The following EML1 variants were observed in gnomAD, a reference collection of about 807,000 sequenced individuals.
The protein encoded by EML1 is EMAP like 1, also known as echinoderm microtubule-associated protein-like 1.
EML1 carries 27 observed loss-of-function variants against 110.4 expected under a neutral mutation model. The observed-to-expected ratio is 0.24, with a 90% CI of 0.18 to 0.34. The LOEUF (loss-of-function observed/expected upper bound fraction) is 0.34, where lower values mean the gene tolerates loss of function less well. Among genes scored for constraint, EML1 ranks in the 10% least tolerant of loss-of-function variants. EML1 has a pLI of 1.00. For missense variants in EML1, 741 were observed against 1,030.9 expected (o/e 0.72, Z 3.85); for synonymous variants, 344 against 385.8 (o/e 0.89, Z 1.27).
intron 1 of EML1, among the ~76,000 whole-genome samples, chr14:99,797,585 GTAAT>G (rs1174859256): frequency 6.6e-6 from 1 of 152,190 alleles, no homozygotes; most frequent in East Asian, 1.9e-4. Flanking sequence ...AAAAGAATAA[GTAAT>G]TAAGGAAATG....
At chr14:99,887,375 G>A (rs768460668) in intron 4 of EML1, among the ~76,000 whole-genome samples, 1 of 152,136 alleles carries the variant, frequency 6.6e-6, no homozygotes, top group Non-Finnish European at 1.5e-5. Flanking sequence ...TGTTCACCGG[G>A]GGGGCAAATC....
At chr14:99,780,940 G>A (rs1271937857) in intron 1 of EML1, among the ~76,000 whole-genome samples, 2 of 152,214 alleles carry the variant, frequency 1.3e-5, no homozygotes, top group East Asian at 1.9e-4. Context: ...TTCTTAGAAC[G>A]TATCCCATCG....
intron 17 of EML1, among the ~76,000 whole-genome samples, chr14:99,927,635 G>A (rs1418441619): frequency 6.6e-6 from 1 of 151,614 alleles, no homozygotes; most frequent in Non-Finnish European, 1.5e-5. Flanking sequence ...CTACAATTTT[G>A]GTACCCAGTG....
chr14:99,883,259 G>C (rs1162241926), intron 4 of EML1: 1 of 152,136 alleles, frequency 6.6e-6, no homozygotes, highest in Non-Finnish European at 1.5e-5. Flanking sequence ...GGCCGGGCGT[G>C]GTGGCCCACT....
intron 1 of EML1, among the ~76,000 whole-genome samples, chr14:99,840,491 C>T (rs1378943206): frequency 3.3e-5 from 5 of 152,132 alleles, no homozygotes; most frequent in African/African-American, 4.8e-5. Context: ...TGTGGGAGGG[C>T]GCTGTGTGGC....
chr14:99,809,288 A>T (rs1458144147), intron 1 of EML1, among the ~76,000 whole-genome samples: 1 of 152,022 alleles, frequency 6.6e-6, no homozygotes, highest in African/African-American at 2.4e-5. Context: ...TCAAACTTTG[A>T]CCTTGTTCTT....
At chr14:99,929,661 A>G (rs960993690) in intron 17 of EML1, among the ~76,000 whole-genome samples, 1 of 152,230 alleles carries the variant, frequency 6.6e-6, no homozygotes, top group African/African-American at 2.4e-5. Flanking sequence ...ACTGTTGTGG[A>G]TTACTATCTC....
At chr14:99,867,602 C>A (rs1369199785) in intron 3 of EML1, among the ~76,000 whole-genome samples, 2 of 152,024 alleles carry the variant, frequency 1.3e-5, no homozygotes, top group Non-Finnish European at 2.9e-5. Context: ...GAATTAATTT[C>A]TTAACTTCCT....
At chr14:99,862,556 A>G (rs192256491) in intron 2 of EML1, among the ~76,000 whole-genome samples, 1 of 152,218 alleles carries the variant, frequency 6.6e-6, no homozygotes, top group African/African-American at 2.4e-5. Flanking sequence ...ATACTGTAGC[A>G]TAAACTTACA....
At chr14:99,754,503 G>C (rs1242044591) in intron 1 of EML1, among the ~76,000 whole-genome samples, 1 of 152,236 alleles carries the variant, frequency 6.6e-6, no homozygotes, top group Non-Finnish European at 1.5e-5. Flanking sequence ...GTAGGTTACA[G>C]ACGGACCTCC....
intron 3 of EML1, among the ~76,000 whole-genome samples, chr14:99,867,347 T>C (rs2059119740): frequency 6.6e-6 from 1 of 152,204 alleles, no homozygotes; most frequent in Non-Finnish European, 1.5e-5. Flanking sequence ...AGGATAGTTT[T>C]TTTCTATTTC....
Position 99,793,503 on chromosome 14 carries a change from C to A in EML1, c.27C>A (p.Ser9Arg). 9.5e-7 allele frequency: 1 copy of A among 1,053,616 alleles called. No homozygotes were observed. The highest frequency in any genetic ancestry group is 1.1e-6 in the Non-Finnish European group (1 of 869,580). The allele number at this position is 1,053,616 out of a possible 1,614,324, so 65.3% of individuals were successfully genotyped here. A position where few individuals can be genotyped will look rare whatever the true frequency, so the allele number is the denominator to read the frequency against. The change falls in exon 1 of 22, where the codon AGC becomes AGA. Residue 9 changes from serine to arginine, a missense_variant. This residue lies in a region of EML1 where 226 missense variants were observed against 255.6 expected (regional missense o/e 0.88). Transcript: ENST00000262233. ...TGGAGGACGGCTTCTCCAGCTACAG[C>A]AGCCTGTACGACACGTCCTCGCTGC... MEDGFSSY[S>R]SLYDTSSLLQ...
intron 1 of EML1, among the ~76,000 whole-genome samples, chr14:99,824,011 C>T (rs1039947004): frequency 2.6e-5 from 4 of 152,192 alleles, no homozygotes; most frequent in African/African-American, 9.6e-5. Flanking sequence ...GAATGGAGTG[C>T]CGTGGCGCGA....
chr14:99,746,984 G>T (rs1188440429), intron 1 of EML1, among the ~76,000 whole-genome samples: 1 of 152,046 alleles, frequency 6.6e-6, no homozygotes, highest in Non-Finnish European at 1.5e-5. Context: ...TCTATCGGGC[G>T]CTGTGCCCCA....
chr14:99,901,145 A>G (rs1357920755), intron 9 of EML1, 106 bp downstream of exon 9: 4 of 950,274 alleles, frequency 4.2e-6, no homozygotes, highest in Non-Finnish European at 6.7e-6. Context: ...GCCTGGGTGT[A>G]TGTACAGATT....
intron 15 of EML1, among the ~76,000 whole-genome samples, chr14:99,916,407 C>T (rs2060034807): frequency 6.6e-6 from 1 of 152,190 alleles, no homozygotes; most frequent in Non-Finnish European, 1.5e-5. Flanking sequence ...AATCATATAT[C>T]AAGTTTCTTT....
chr14:99,901,063 T>C (rs2059755151), intron 9 of EML1, 24 bp downstream of exon 9: 31 of 1,584,382 alleles, frequency 2.0e-5, no homozygotes, highest in Non-Finnish European at 2.6e-5. Flanking sequence ...CTGTGGATAT[T>C]GCTGTCTTCT....
chr14:99,897,555 C>T (rs1451385107), intron 7 of EML1, among the ~76,000 whole-genome samples: 1 of 152,090 alleles, frequency 6.6e-6, no homozygotes, highest in Non-Finnish European at 1.5e-5. Context: ...TCCTTGTGGT[C>T]CGCTCACTAC....
intron 5 of EML1, 158 bp from the exon 6 acceptor site, chr14:99,894,471 G>A: frequency 2.1e-6 from 2 of 959,272 alleles, no homozygotes; most frequent in Non-Finnish European, 2.8e-6. Context: ...GTTTCAAACT[G>A]TTTATTTTTA....
Sources: gnomAD v4.1 joint callset for allele counts (sites outside exome capture counted in the v4.1 genomes callset) on GRCh38, gnomAD v4.1.1 for gene constraint, gnomAD v4.1.1 regional missense constraint, MANE v1.5 for transcripts, NCBI Gene and HGNC (gene_info 2026-07-23, HGNC 2026-07-21) for gene names.